Variants in GALNT10 observed in about 807,000 individuals in gnomAD.
GALNT10 encodes GalNAc transferase 10.
GALNT10 carries 41 observed loss-of-function variants against 75.0 expected under a neutral mutation model. The observed-to-expected ratio is 0.55, with a 90% CI of 0.43 to 0.71. The LOEUF is 0.71. GALNT10 is among the 30% of genes least tolerant of loss of function. The pLI, the probability that GALNT10 is intolerant of heterozygous loss-of-function variation, is 0.00. For missense variants in GALNT10, 727 were observed against 818.5 expected (o/e 0.89, Z 1.36); for synonymous variants, 302 against 313.0 (o/e 0.96, Z 0.37).
At chr5:154,413,413 C>A (rs1243170556) in intron 10 of GALNT10, among the ~76,000 whole-genome samples, 1 of 152,194 alleles carries the variant, frequency 6.6e-6, no homozygotes, top group African/African-American at 2.4e-5. Flanking sequence ...ATGCCACTTC[C>A]AAGAGTTCTG....
intron 1 of GALNT10, among the ~76,000 whole-genome samples, chr5:154,287,938 G>A (rs1284291175): frequency 4.8e-5 from 6 of 124,536 alleles, no homozygotes; most frequent in Non-Finnish European, 8.5e-5. Context: ...GAGTGTGCAT[G>A]TGTGTGCATG....
At chr5:154,334,193 C>T (rs993462702) in intron 4 of GALNT10, among the ~76,000 whole-genome samples, 2 of 152,216 alleles carry the variant, frequency 1.3e-5, no homozygotes, top group African/African-American at 2.4e-5. Flanking sequence ...AGCTAAGGGT[C>T]GAGACCTCAG....
Position 154,419,458 on chromosome 5 carries a change from GGC to G in GALNT10, c.*2488_*2489del, listed in dbSNP as rs749858294. The G allele has an allele frequency of 6.6e-6, 1 of 152,224 alleles. No homozygotes were observed. Among genetic ancestry groups the G allele is most frequent in the Non-Finnish European group, 1.5e-5 (1 of 68,070 alleles). 9.4% of individuals were successfully genotyped at this position (152,224 alleles called of 1,614,324 possible). A position where few individuals can be genotyped will look rare whatever the true frequency, so the allele number is the denominator to read the frequency against. On this transcript the variant is annotated 3_prime_UTR_variant, in exon 12 of 12. Transcript: ENST00000297107. ...CTTCCACATAGTCCCACCCCAAGTG[GGC>G]GGCAGTGTTCCTGGCATGACCAGGA...
intron 1 of GALNT10, among the ~76,000 whole-genome samples, chr5:154,201,797 C>T (rs184275593): frequency 8.3e-4 from 127 of 152,178 alleles, no homozygotes; most frequent in South Asian, 1.9e-3. Context: ...GGTGTAGTGG[C>T]GCACTCCTGT....
intron 4 of GALNT10, among the ~76,000 whole-genome samples, chr5:154,330,742 C>T (rs1754843733): frequency 6.6e-6 from 1 of 152,206 alleles, no homozygotes; most frequent in Admixed American, 6.5e-5. Flanking sequence ...CCTCTGCTCA[C>T]CTTCTTGCAG....
At chr5:154,372,536 A>G (rs72795423) in intron 4 of GALNT10, among the ~76,000 whole-genome samples, 18,835 of 152,242 alleles carry the variant, frequency 0.12, 1,218 homozygotes, top group Middle Eastern at 0.16. Context: ...TATCAGCAAG[A>G]AAGTACATAA....
At chr5:154,413,063 G>C (rs1041864003) in intron 10 of GALNT10, 58 bp downstream of exon 10, 31 of 1,108,494 alleles carry the variant, frequency 2.8e-5, no homozygotes, top group Non-Finnish European at 4.1e-5. Context: ...TGCAGCCTGG[G>C]GTGCTGACAC....
chr5:154,324,255 G>A (rs7707474), intron 3 of GALNT10, among the ~76,000 whole-genome samples: 5,512 of 152,332 alleles, frequency 0.036, 329 homozygotes, highest in African/African-American at 0.12. Flanking sequence ...GGCAGGAGGG[G>A]CAGTGGGCAG....
At chr5:154,343,444 G>A (rs549502300) in intron 4 of GALNT10, among the ~76,000 whole-genome samples, 23 of 152,268 alleles carry the variant, frequency 1.5e-4, no homozygotes, top group Admixed American at 3.9e-4. Flanking sequence ...AAAGTATTCA[G>A]CACTCTATAA....
Position 154,352,583 on chromosome 5 carries a change from G to A in GALNT10, c.568+22845G>A, listed in dbSNP as rs1755227510. On this transcript the variant is annotated intron_variant, in intron 4 of 11. Transcript: ENST00000297107. This position sits in a 1 kb window ranked among gnomAD's most constrained non-coding sequence, Gnocchi z 4.4. ...AAACGGAAGCTGGGAGCTTCCCTGG[G>A]CTGGGTGGGCCCCAGGTACCTACCA... Among the ~76,000 whole-genome samples the A allele has an allele frequency of 6.6e-6, 1 of 152,172 alleles. No individual in the cohort carries two copies. Among genetic ancestry groups the A allele is most frequent in the African/African-American group, 2.4e-5 (1 of 41,446 alleles).
chr5:154,271,422 C>T (rs989135172), intron 1 of GALNT10, among the ~76,000 whole-genome samples: 2 of 152,096 alleles, frequency 1.3e-5, no homozygotes, highest in African/African-American at 4.8e-5. Context: ...GCCGAGATTG[C>T]ATCATTGCAC....
chr5:154,370,162 T>C (rs1384500751), intron 4 of GALNT10, among the ~76,000 whole-genome samples: 1 of 152,226 alleles, frequency 6.6e-6, no homozygotes, highest in East Asian at 1.9e-4. Flanking sequence ...TGTCTTGAAG[T>C]GAAGGTGTTG....
chr5:154,324,178 AT>A (rs1392586083), intron 3 of GALNT10, among the ~76,000 whole-genome samples: 1 of 152,176 alleles, frequency 6.6e-6, no homozygotes, highest in Non-Finnish European at 1.5e-5. Context: ...CATGCCTTCC[AT>A]GTGGGGTTCT....
At chr5:154,329,970 A>AAAAAAC (rs1470747877) in intron 4 of GALNT10, 2 of 368,940 alleles carry the variant, frequency 5.4e-6, no homozygotes, top group South Asian at 9.1e-5. Context: ...GCAAAAAAAA[A>AAAAAAC]AAAAAAACAG....
intron 1 of GALNT10, among the ~76,000 whole-genome samples, chr5:154,219,218 C>T (rs1432557378): frequency 6.6e-6 from 1 of 152,214 alleles, no homozygotes; most frequent in Non-Finnish European, 1.5e-5. Context: ...CCAGTCTGGG[C>T]CTCCCTGGCC....
At chr5:154,230,274 G>C (rs1753128243) in intron 1 of GALNT10, among the ~76,000 whole-genome samples, 1 of 152,192 alleles carries the variant, frequency 6.6e-6, no homozygotes, top group African/African-American at 2.4e-5. Context: ...TGACTATCAA[G>C]TGCCTCTCTA....
intron 3 of GALNT10, among the ~76,000 whole-genome samples, chr5:154,316,119 T>C (rs1233520158): frequency 6.6e-6 from 1 of 152,236 alleles, no homozygotes; most frequent in Non-Finnish European, 1.5e-5. Context: ...TGAAGTTCAT[T>C]GAATCTTCTT....
At chr5:154,203,846 CTG>C (rs1231688385) in intron 1 of GALNT10, among the ~76,000 whole-genome samples, 6 of 152,188 alleles carry the variant, frequency 3.9e-5, no homozygotes, top group Non-Finnish European at 8.8e-5. Context: ...AACTTGACCA[CTG>C]TGTTTTATGT....
At chr5:154,221,387 G>T (rs760287100) in intron 1 of GALNT10, among the ~76,000 whole-genome samples, 1 of 152,172 alleles carries the variant, frequency 6.6e-6, no homozygotes, top group Non-Finnish European at 1.5e-5. Context: ...GGGGTGAGGG[G>T]TATCCTCCCT....
Sources: allele counts gnomAD v4.1 joint callset (sites outside exome capture counted in the v4.1 genomes callset), GRCh38; gene constraint gnomAD v4.1.1; non-coding constraint Gnocchi (gnomAD v3.1); transcripts MANE v1.5; gene names NCBI Gene and HGNC (gene_info 2026-07-23, HGNC 2026-07-21).